COP1: variants seen among roughly 807,000 people sequenced by gnomAD.
The protein encoded by COP1 is COP1 E3 ubiquitin ligase.
Under a neutral mutation model 101.3 loss-of-function variants are expected in COP1, and 24 were observed. The ratio of observed to expected loss-of-function variants is 0.24; its 90% confidence interval spans 0.17 to 0.33. The LOEUF is 0.33. COP1 is among the 10% of genes least tolerant of loss of function. The pLI, the probability that COP1 is intolerant of heterozygous loss-of-function variation, is 1.00. For synonymous variants in COP1, 347 were observed against 341.9 expected (o/e 1.01, Z -0.17); for missense variants, 663 against 906.2 (o/e 0.73, Z 3.45).
At position 176,112,771 on chromosome 1, in the gene COP1, A is replaced by AC. The variant is rs572967143; in HGVS notation, c.1026+3852dup. Reference sequence around the variant, plus strand: ...TCCACTCTCTGCCTCCATGAGATCCACTTTTTTTTGGCTCCCATTTAAGAA... The same window carrying AC: ...TCCACTCTCTGCCTCCATGAGATCCACCTTTTTTTTGGCTCCCATTTAAGAA... On this transcript the variant is annotated intron_variant, in intron 9 of 19. Transcript: ENST00000367669. 2.6e-3 allele frequency among the ~76,000 whole-genome samples: 395 copies of AC among 151,456 alleles called. 3 individuals carry two copies. Among genetic ancestry groups the AC allele is most frequent in the African/African-American group, 9.2e-3 (378 of 41,210 alleles).
At position 176,184,619 on chromosome 1, in the gene COP1, T is replaced by C. The variant is rs78118911; in HGVS notation, c.467+14A>G. On this transcript the variant is annotated intron_variant, in intron 2 of 19. Transcript: ENST00000367669. The stretch of plus-strand genomic sequence containing the variant: ...AATGTTAAAAGATTATTTTACTCAA[T>C]AGAATTGTCTTACCAAAAGCTGTGG... The C allele has an allele frequency of 2.4e-3, 3,755 of 1,584,606 alleles. 75 individuals carry two copies. The African/African-American group carries it at 0.044, about 19-fold the overall frequency.
intron 2 of COP1, 40 bp downstream of exon 2, chr1:176,184,593 A>G: frequency 6.7e-7 from 1 of 1,489,268 alleles, no homozygotes; most frequent in Non-Finnish European, 9.2e-7. Flanking sequence ...ATAAGTTTTA[A>G]AATGTTAAAA....
chr1:176,109,169 C>G (rs1451689509), intron 9 of COP1, among the ~76,000 whole-genome samples: 3 of 151,910 alleles, frequency 2.0e-5, no homozygotes, highest in African/African-American at 7.3e-5. Context: ...AGCAATTAAG[C>G]CATTTACTTG....
chr1:176,206,809 C>A lies in COP1; in HGVS notation c.170G>T (p.Gly57Val). ...CACCGGGCCCCCGAGGCCGCCCGAG[C>A]CGGCGGCCTGGGCCACCCCGCCGGA... ...LVSGGVAQAA[G>V]SGGLGGPVRP... Residue 57 changes from glycine to valine, a missense_variant, in exon 1 of 20, where the codon GGC (glycine) becomes GTC (valine). This residue lies in a region of COP1 where 204 missense variants were observed against 203.6 expected (regional missense o/e 1.00). Transcript: ENST00000367669. 7.2e-7 allele frequency: 1 copy of A among 1,382,686 alleles called. No homozygotes were observed. The highest frequency in any genetic ancestry group is 9.3e-7 in the Non-Finnish European group (1 of 1,079,202). The allele number at this position is 1,382,686 out of a possible 1,614,324, so 85.7% of individuals were successfully genotyped here.
intron 15 of COP1, among the ~76,000 whole-genome samples, chr1:176,009,424 C>T (rs928700794): frequency 5.9e-5 from 9 of 152,056 alleles, no homozygotes; most frequent in Non-Finnish European, 7.4e-5. Context: ...AATATACTAA[C>T]GTATTCTCAT....
chr1:176,017,778 G>A (rs979362339), intron 15 of COP1, among the ~76,000 whole-genome samples: 1 of 152,152 alleles, frequency 6.6e-6, no homozygotes, highest in Non-Finnish European at 1.5e-5. Flanking sequence ...GCCCACCTCG[G>A]CCTCCCAAAG....
chr1:176,132,303 G>A (rs537450210), intron 8 of COP1, among the ~76,000 whole-genome samples: 4 of 151,848 alleles, frequency 2.6e-5, no homozygotes, highest in African/African-American at 7.2e-5. Flanking sequence ...CAACTTAAAT[G>A]TCACCTCCTT....
intron 1 of COP1, among the ~76,000 whole-genome samples, chr1:176,189,368 G>A (rs12146072): frequency 0.07 from 10,550 of 151,188 alleles, 458 homozygotes; most frequent in Admixed American, 0.088. Flanking sequence ...TTGTTTCTAG[G>A]GACAGTATTA....
At chr1:176,124,867 A>G (rs1687756855) in intron 8 of COP1, among the ~76,000 whole-genome samples, 1 of 152,112 alleles carries the variant, frequency 6.6e-6, no homozygotes, top group South Asian at 2.1e-4. Context: ...TGGTTGTACT[A>G]AATTACATTC....
At position 176,115,968 on chromosome 1, in the gene COP1, G is replaced by A. The variant is rs537897547; in HGVS notation, c.1026+656C>T. 1.1e-4 allele frequency among the ~76,000 whole-genome samples: 16 copies of A among 152,202 alleles called. No homozygotes were observed. In the East Asian group the frequency reaches 1.5e-3, roughly 15 times the overall value. On this transcript the variant is annotated intron_variant, in intron 9 of 19. Transcript: ENST00000367669. ...CTGTTAAGTTTCAACGTAATGAAGC[G>A]TAATTCAATGACAGATTTATAATTT...
At chr1:176,079,648 G>C (rs1369826660) in intron 11 of COP1, among the ~76,000 whole-genome samples, 1 of 151,068 alleles carries the variant, frequency 6.6e-6, no homozygotes, top group East Asian at 1.9e-4. Flanking sequence ...AAAAAAAAAA[G>C]GTTCAAGGTA....
chr1:176,173,779 G>C (rs1429848963), intron 3 of COP1, among the ~76,000 whole-genome samples: 1 of 151,842 alleles, frequency 6.6e-6, no homozygotes, highest in Non-Finnish European at 1.5e-5. Context: ...CTTGAGTCCA[G>C]GAGTTCGAGA....
At chr1:176,166,572 A>C (rs1255877802) in intron 3 of COP1, among the ~76,000 whole-genome samples, 2 of 152,244 alleles carry the variant, frequency 1.3e-5, no homozygotes, top group Admixed American at 1.3e-4. Context: ...TTACCAAACG[A>C]AGTTTTTTAC....
intron 9 of COP1, among the ~76,000 whole-genome samples, chr1:176,088,536 A>C (rs980781739): frequency 6.6e-6 from 1 of 152,210 alleles, no homozygotes; most frequent in Admixed American, 6.5e-5. Flanking sequence ...GCAAATACAT[A>C]AGATCTGCGC....
intron 11 of COP1, among the ~76,000 whole-genome samples, chr1:176,053,541 C>G (rs1304101833): frequency 2.6e-5 from 4 of 152,134 alleles, no homozygotes; most frequent in Admixed American, 1.3e-4. Context: ...TCTTGACTTC[C>G]TCTTCTCCAA....
chr1:176,101,026 T>C (rs1208482377), intron 9 of COP1, among the ~76,000 whole-genome samples: 1 of 152,136 alleles, frequency 6.6e-6, no homozygotes, highest in African/African-American at 2.4e-5. Flanking sequence ...AAGCTTCCCA[T>C]TGCATAGATA....
At chr1:176,125,491 C>T (rs1271899759) in intron 8 of COP1, among the ~76,000 whole-genome samples, 1 of 152,006 alleles carries the variant, frequency 6.6e-6, no homozygotes, top group Non-Finnish European at 1.5e-5. Flanking sequence ...ATATCTTTTC[C>T]CCAATTTATG....
At chr1:176,064,723 G>A (rs1252988843) in intron 11 of COP1, among the ~76,000 whole-genome samples, 1 of 151,792 alleles carries the variant, frequency 6.6e-6, no homozygotes, top group East Asian at 1.9e-4. Flanking sequence ...GTGTGATCAT[G>A]GCTCACTGCA....
At chr1:175,998,051 TTA>T (rs1491394410) in intron 15 of COP1, among the ~76,000 whole-genome samples, 7 of 92,244 alleles carry the variant, frequency 7.6e-5, no homozygotes, top group African/African-American at 3.2e-4. Context: ...ACCCTAAAAC[TTA>T]GAGTATAATT....
Sources: gnomAD v4.1 joint callset for allele counts (sites outside exome capture counted in the v4.1 genomes callset) on GRCh38, gnomAD v4.1.1 for gene constraint, gnomAD v4.1.1 regional missense constraint, MANE v1.5 for transcripts, NCBI Gene and HGNC (gene_info 2026-07-23, HGNC 2026-07-21) for gene names.